The following PCDHGA1 variants were observed in gnomAD, a reference collection of about 807,000 sequenced individuals.
PCDHGA1 encodes the protein protocadherin gamma subfamily A, 1.
A neutral mutation model predicts 58.0 loss-of-function variants in PCDHGA1; 32 were observed. The observed-to-expected ratio is 0.55, with a 90% CI of 0.42 to 0.74. PCDHGA1 has a LOEUF of 0.74. PCDHGA1 is among the 30% of genes least tolerant of loss of function. PCDHGA1 has a pLI of 0.00. For synonymous variants in PCDHGA1, 498 were observed against 501.1 expected (o/e 0.99, Z 0.08); for missense variants, 1,205 against 1,182.3 (o/e 1.02, Z -0.28).
intron 1 of PCDHGA1, chr5:141,361,811 C>T: frequency 1.2e-6 from 2 of 1,613,098 alleles, no homozygotes; most frequent in Non-Finnish European, 1.7e-6. Context: ...AATGACAATG[C>T]GCCACGGGTG....
At chr5:141,395,633 G>T (rs1448678453) in intron 1 of PCDHGA1, 1 of 179,296 alleles carries the variant, frequency 5.6e-6, no homozygotes, top group African/African-American at 2.4e-5. Context: ...GAAGTCTAAA[G>T]CCTTGTTATT....
chr5:141,387,136 T>G (rs985189189), intron 1 of PCDHGA1, among the ~76,000 whole-genome samples: 1 of 152,210 alleles, frequency 6.6e-6, no homozygotes, highest in Non-Finnish European at 1.5e-5. Context: ...CTGAAACTAT[T>G]GGGAAGGGGG....
chr5:141,399,814 C>T, intron 1 of PCDHGA1: 2 of 1,613,238 alleles, frequency 1.2e-6, no homozygotes, highest in Non-Finnish European at 1.7e-6. Context: ...GTACCCCGCG[C>T]TGGGTCCCGA....
chr5:141,452,848 G>A (rs1425590240), intron 1 of PCDHGA1, among the ~76,000 whole-genome samples: 9 of 152,128 alleles, frequency 5.9e-5, no homozygotes, highest in Non-Finnish European at 1.0e-4. Flanking sequence ...CCCACACTCT[G>A]GGGAGATGAT....
chr5:141,415,163 C>G (rs572456395), intron 1 of PCDHGA1: 11 of 1,613,856 alleles, frequency 6.8e-6, no homozygotes, highest in African/African-American at 1.3e-5. Context: ...GCCACTGTCA[C>G]GCTCACCGTG....
At chr5:141,367,696 AG>A (rs574151601) in intron 1 of PCDHGA1, 1 of 152,176 alleles carries the variant, frequency 6.6e-6, no homozygotes, top group Non-Finnish European at 1.5e-5. Flanking sequence ...ATCAGTGTAA[AG>A]GAACCTTAAG....
At chr5:141,421,119 C>T (rs542039688) in intron 1 of PCDHGA1, 1 of 772,768 alleles carries the variant, frequency 1.3e-6, no homozygotes, top group Non-Finnish European at 2.0e-6. Flanking sequence ...TATTTTCCTT[C>T]GCTTTCTGAT....
rs575679144 is a variant in PCDHGA1, at chr5:141,351,782, G to C, written c.2421+18677G>C. On this transcript the variant is annotated intron_variant, in intron 1 of 3. Coordinates refer to ENST00000517417, the MANE Select transcript of PCDHGA1 (RefSeq NM_018912.3). The stretch of plus-strand genomic sequence containing the variant: ...CTACGTGTCCGTGAGCCCGCAGAGC[G>C]GGGTGGTGTTCGCGCAGCGCGCCTT... 1.3e-5 allele frequency: 21 copies of C among 1,613,456 alleles called. No individual in the cohort carries two copies. Among genetic ancestry groups the C allele is most frequent in the South Asian group, 4.4e-5 (4 of 91,092 alleles).
At chr5:141,389,267 GA>G (rs2091674195) in intron 1 of PCDHGA1, 1 of 1,613,890 alleles carries the variant, frequency 6.2e-7, no homozygotes, top group African/African-American at 1.3e-5. Context: ...ACGTGGCCGA[GA>G]ACAACCCGCC....
At chr5:141,438,996 A>G (rs2098080427) in intron 1 of PCDHGA1, among the ~76,000 whole-genome samples, 1 of 151,634 alleles carries the variant, frequency 6.6e-6, no homozygotes, top group African/African-American at 2.4e-5. Flanking sequence ...AAGGCTAAGG[A>G]CCTGGTTTGT....
At chr5:141,386,206 G>A (rs931130731) in intron 1 of PCDHGA1, among the ~76,000 whole-genome samples, 2 of 152,116 alleles carry the variant, frequency 1.3e-5, no homozygotes, top group East Asian at 3.9e-4. Context: ...ACCAGTAGTT[G>A]ATTTTATTTA....
In PCDHGA1 at chr5:141,332,477, C is replaced by A; in HGVS notation, c.1793C>A (p.Ser598Ter). 1.2e-6 allele frequency: 2 copies of A among 1,613,232 alleles called. No individual in the cohort carries two copies. Among genetic ancestry groups the A allele is most frequent in the Non-Finnish European group, 8.5e-7 (1 of 1,180,030 alleles). Residue 598 changes from serine (S) to a stop codon, truncating the protein, a stop_gained, in exon 1 of 4, where the codon TCG becomes TAG. Transcript: ENST00000517417. LOFTEE classifies it high-confidence loss of function. This position sits in a 1 kb window ranked among gnomAD's most constrained non-coding sequence, Gnocchi z 4.6. ...VTKVVAVDRD[S>*]GQNAWLSYRL... ...AAGGTGGTGGCGGTGGACAGAGACTCGGGCCAGAACGCCTGGCTGTCCTAC... is the reference window on the plus strand; with the variant it reads ...AAGGTGGTGGCGGTGGACAGAGACTAGGGCCAGAACGCCTGGCTGTCCTAC...
Position 141,331,762 on chromosome 5 carries a change from T to C in PCDHGA1, c.1078T>C (p.Phe360Leu). 1 of 1,614,126 alleles carries C rather than the reference T, an allele frequency of 6.2e-7. No homozygotes were observed. The highest frequency in any genetic ancestry group is 8.5e-7 in the Non-Finnish European group (1 of 1,180,036). The change falls in exon 1 of 4, where the codon TTT (phenylalanine) becomes CTT (leucine). Residue 360 changes from phenylalanine to leucine, a missense_variant. Transcript: ENST00000517417. ...TSVTTAVPEN[F>L]PPGTIIALIS... ...TGTCACCACTGCAGTTCCAGAAAAC[T>C]TTCCTCCTGGGACCATAATTGCTCT...
intron 1 of PCDHGA1, chr5:141,430,691 G>C (rs1479214920): frequency 1.4e-6 from 2 of 1,416,472 alleles, no homozygotes; most frequent in Non-Finnish European, 1.9e-6. Flanking sequence ...CCATTCTATG[G>C]GCGAAGGAAC....
At position 141,490,745 on chromosome 5, in the gene PCDHGA1, C is replaced by A. The variant is rs769031787; in HGVS notation, c.2422-4062C>A. 1 of 1,614,238 alleles carries A rather than the reference C, an allele frequency of 6.2e-7. No homozygotes were observed. Among genetic ancestry groups the A allele is most frequent in the Non-Finnish European group, 8.5e-7 (1 of 1,180,042 alleles). ...GTAGGAAATCAGGTTCAGGGAGCCCCAGCCTCCTCCTTTGTGTATGTCAAC... is the reference window on the plus strand; with the variant it reads ...GTAGGAAATCAGGTTCAGGGAGCCCAAGCCTCCTCCTTTGTGTATGTCAAC... On this transcript the variant is annotated intron_variant, in intron 1 of 3. Transcript: ENST00000517417. The surrounding 1 kb of genome is among the most constrained non-coding windows in gnomAD (Gnocchi z 5.4).
intron 1 of PCDHGA1, chr5:141,345,922 G>A (rs1465495058): frequency 4.3e-6 from 7 of 1,613,410 alleles, no homozygotes; most frequent in Non-Finnish European, 5.1e-6. Context: ...CGCACGGCGC[G>A]AGCCCTGCTG....
chr5:141,385,101 C>A (rs1373310406), intron 1 of PCDHGA1: 2 of 1,614,194 alleles, frequency 1.2e-6, no homozygotes, highest in East Asian at 2.2e-5. Flanking sequence ...GCTTGGCGAA[C>A]GTGCCCACCT....
intron 1 of PCDHGA1, among the ~76,000 whole-genome samples, chr5:141,380,852 C>A (rs1429709070): frequency 6.6e-6 from 1 of 152,182 alleles, no homozygotes; most frequent in Non-Finnish European, 1.5e-5. Context: ...TGGATCAAGA[C>A]ATTGAGAGCT....
intron 1 of PCDHGA1, among the ~76,000 whole-genome samples, chr5:141,438,591 C>CATACAT (rs1228520343): frequency 1.3e-5 from 1 of 75,562 alleles, no homozygotes; most frequent in Non-Finnish European, 2.7e-5. Flanking sequence ...TACATACATA[C>CATACAT]ATATATATAT....
Sources: allele counts gnomAD v4.1 joint callset (sites outside exome capture counted in the v4.1 genomes callset), GRCh38; gene constraint gnomAD v4.1.1; non-coding constraint Gnocchi (gnomAD v3.1); transcripts MANE v1.5; gene names NCBI Gene and HGNC (gene_info 2026-07-23, HGNC 2026-07-21).